SLC8A1: variants seen among roughly 807,000 people sequenced by gnomAD.
The protein encoded by SLC8A1 is sodium/calcium exchanger 1.
SLC8A1 carries 18 observed loss-of-function variants against 68.3 expected under a neutral mutation model. That is an observed-to-expected ratio of 0.26 (90% CI 0.18 to 0.39). SLC8A1 has a LOEUF of 0.39. SLC8A1 is among the 10% of genes least tolerant of loss of function. The pLI is 1.00. For synonymous variants in SLC8A1, 475 were observed against 415.5 expected, an observed-to-expected ratio of 1.14 and a Z score of -1.74; for missense variants, 985 against 1,156.7, an observed-to-expected ratio of 0.85 and a Z score of 2.15.
chr2:40,221,096 C>A (rs556654723), intron 2 of SLC8A1, among the ~76,000 whole-genome samples: 1 of 151,476 alleles, frequency 6.6e-6, no homozygotes, highest in Admixed American at 6.6e-5. Context: ...AATTTCAGGC[C>A]AATATCCCTG....
At chr2:40,404,730 TTGCTTCCTAGCTTGAAA>T (rs1411296127) in intron 2 of SLC8A1, among the ~76,000 whole-genome samples, 1 of 152,136 alleles carries the variant, frequency 6.6e-6, no homozygotes, top group Non-Finnish European at 1.5e-5. Flanking sequence ...CACGAGTGCG[TTGCTTCCTAGCTTGAAA>T]TGCATAATTA....
intron 2 of SLC8A1, among the ~76,000 whole-genome samples, chr2:40,368,012 C>G (rs1676813588): frequency 6.6e-6 from 1 of 152,046 alleles, no homozygotes. Context: ...AGTGTTTCAG[C>G]CTGTTAACAA....
intron 1 of SLC8A1, among the ~76,000 whole-genome samples, chr2:40,461,544 C>T (rs978804551): frequency 6.6e-6 from 1 of 152,206 alleles, no homozygotes; most frequent in African/African-American, 2.4e-5. Context: ...CGCCCCTGCA[C>T]AACCACCAGA....
chr2:40,345,953 T>C (rs1391484949), intron 2 of SLC8A1, among the ~76,000 whole-genome samples: 1 of 149,228 alleles, frequency 6.7e-6, no homozygotes, highest in Non-Finnish European at 1.5e-5. Flanking sequence ...ATGGCACATG[T>C]ATACCTATGA....
intron 1 of SLC8A1, among the ~76,000 whole-genome samples, chr2:40,432,017 A>G (rs959515223): frequency 2.0e-5 from 3 of 152,118 alleles, no homozygotes; most frequent in African/African-American, 7.2e-5. Context: ...AAGGCTGAAA[A>G]ATAGAGGTAG....
chr2:40,386,558 A>G (rs1403226701), intron 2 of SLC8A1, among the ~76,000 whole-genome samples: 2 of 74,960 alleles, frequency 2.7e-5, no homozygotes, highest in Non-Finnish European at 7.6e-5. Context: ...GAATAATGGG[A>G]CTACCCTTTT....
At chr2:40,216,012 C>CTTTTTTTTTTTTTTTTT (rs61623694) in intron 2 of SLC8A1, among the ~76,000 whole-genome samples, 1 of 143,746 alleles carries the variant, frequency 7.0e-6, no homozygotes, top group Non-Finnish European at 1.5e-5. Context: ...CCAGTGTATG[C>CTTTTTTTTTTTTTTTTT]TTTTTTTTTT....
chr2:40,475,445 T>G (rs1470933294), intron 1 of SLC8A1, among the ~76,000 whole-genome samples: 2 of 152,124 alleles, frequency 1.3e-5, no homozygotes, highest in Non-Finnish European at 2.9e-5. Context: ...TAAAAATTAT[T>G]GAGGACCCAA....
chr2:40,252,336 T>TTTGA (rs887063315), intron 2 of SLC8A1, among the ~76,000 whole-genome samples: 2 of 152,074 alleles, frequency 1.3e-5, no homozygotes, highest in African/African-American at 2.4e-5. Flanking sequence ...ACATTTGTAT[T>TTTGA]TTGATTGATT....
At chr2:40,106,850 G>T (rs17499461) in exon 8 of SLC8A1, 15,119 of 152,160 alleles carry the variant, frequency 0.099, 993 homozygotes, top group Non-Finnish European at 0.14. Flanking sequence ...AGTATGTAAT[G>T]CAGTGGCTGG....
At chr2:40,300,510 G>A (rs185043542) in intron 2 of SLC8A1, among the ~76,000 whole-genome samples, 1 of 152,226 alleles carries the variant, frequency 6.6e-6, no homozygotes, top group African/African-American at 2.4e-5. Flanking sequence ...ACAAAGTATT[G>A]TTTCGTGCCT....
chr2:40,207,885 TA>T (rs1389860000), intron 2 of SLC8A1, among the ~76,000 whole-genome samples: 3 of 152,102 alleles, frequency 2.0e-5, no homozygotes, highest in Non-Finnish European at 4.4e-5. Flanking sequence ...TTTTCTAAAA[TA>T]AGGCACCAAA....
chr2:40,498,346 T>C (rs555458780), intron 1 of SLC8A1, among the ~76,000 whole-genome samples: 113 of 152,234 alleles, frequency 7.4e-4, no homozygotes, highest in East Asian at 2.5e-3. Flanking sequence ...AAGTAAATTA[T>C]ATGCCAATGT....
chr2:40,360,166 A>G (rs1674162181), intron 2 of SLC8A1, among the ~76,000 whole-genome samples: 1 of 152,128 alleles, frequency 6.6e-6, no homozygotes, highest in Non-Finnish European at 1.5e-5. Context: ...TTCCACGAAG[A>G]CAGAAACCAT....
intron 2 of SLC8A1, among the ~76,000 whole-genome samples, chr2:40,294,321 T>C (rs1475226019): frequency 6.6e-6 from 1 of 152,142 alleles, no homozygotes; most frequent in Non-Finnish European, 1.5e-5. Context: ...TAAAGCACTT[T>C]TCACATAATA....
intron 2 of SLC8A1, among the ~76,000 whole-genome samples, chr2:40,225,580 G>A (rs2058868802): frequency 6.6e-6 from 1 of 152,118 alleles, no homozygotes; most frequent in South Asian, 2.1e-4. Flanking sequence ...CTTGCACCCA[G>A]TAAAAGGTGC....
intron 1 of SLC8A1, among the ~76,000 whole-genome samples, chr2:40,475,882 C>T (rs540482833): frequency 1.8e-4 from 27 of 151,866 alleles, no homozygotes; most frequent in Non-Finnish European, 3.4e-4. Flanking sequence ...CTATTTTCCC[C>T]CAAAAAACAT....
chr2:40,356,258 T>C (rs1183779765), intron 2 of SLC8A1, among the ~76,000 whole-genome samples: 1 of 152,212 alleles, frequency 6.6e-6, no homozygotes, highest in African/African-American at 2.4e-5. Flanking sequence ...GACTAATTCC[T>C]TAATCTTCAT....
chr2:40,421,683 G>A (rs77065917), intron 2 of SLC8A1, among the ~76,000 whole-genome samples: 3,066 of 152,174 alleles, frequency 0.02, 47 homozygotes, highest in Middle Eastern at 0.044. Context: ...AGAACACAAT[G>A]CCTATTCCCA....
Sources: gnomAD v4.1 joint callset for allele counts (sites outside exome capture counted in the v4.1 genomes callset) on GRCh38, gnomAD v4.1.1 for gene constraint, MANE v1.5 for transcripts, NCBI Gene and HGNC (gene_info 2026-07-23, HGNC 2026-07-21) for gene names.